The following TBC1D4 variants were observed in gnomAD, a reference collection of about 807,000 sequenced individuals.
The protein encoded by TBC1D4 is TBC1 domain family member 4, also known as TBC (Tre-2, BUB2, CDC16) domain-containing protein.
TBC1D4 carries 121 observed loss-of-function variants against 142.5 expected under a neutral mutation model. The observed-to-expected ratio is 0.85, with a 90% confidence interval of 0.73 to 0.99. The LOEUF (loss-of-function observed/expected upper bound fraction) is 0.99, where lower values mean the gene tolerates loss of function less well. Among genes scored for constraint, TBC1D4 ranks in the 50% least tolerant of loss-of-function variants. The pLI is 0.00. For missense variants in TBC1D4, 1,475 were observed against 1,606.6 expected, an observed-to-expected ratio of 0.92 and a Z score of 1.40; for synonymous variants, 630 against 628.2, an observed-to-expected ratio of 1.00 and a Z score of -0.04.
intron 3 of TBC1D4, among the ~76,000 whole-genome samples, chr13:75,358,072 G>A (rs889181372): frequency 2.6e-5 from 4 of 152,026 alleles, no homozygotes; most frequent in African/African-American, 9.7e-5. Context: ...AGTGTGGGGT[G>A]GGAGGCACAG....
intron 1 of TBC1D4, among the ~76,000 whole-genome samples, chr13:75,389,506 G>A (rs1435279592): frequency 6.6e-6 from 1 of 152,046 alleles, no homozygotes; most frequent in Non-Finnish European, 1.5e-5. Flanking sequence ...AGAATAGTTT[G>A]TAGAAAAGCT....
chr13:75,341,298 G>A (rs1011754413), intron 6 of TBC1D4, 63 bp from the exon 7 acceptor site: 35 of 1,492,536 alleles, frequency 2.3e-5, no homozygotes, highest in Non-Finnish European at 2.9e-5. Context: ...TTATTCTGTC[G>A]GGCAGACAAA....
intron 12 of TBC1D4, among the ~76,000 whole-genome samples, chr13:75,318,356 C>A (rs543424108): frequency 6.6e-6 from 1 of 152,328 alleles, no homozygotes; most frequent in East Asian, 1.9e-4. Context: ...AATGACACAG[C>A]AAGACTCTAT....
chr13:75,427,432 TG>T (rs1886423849), intron 1 of TBC1D4, among the ~76,000 whole-genome samples: 1 of 152,210 alleles, frequency 6.6e-6, no homozygotes, highest in African/African-American at 2.4e-5. Flanking sequence ...TCTCAGCCTG[TG>T]GGAGGTCAAA....
chr13:75,326,382 C>G lies in TBC1D4; in HGVS notation c.1848G>C (p.Ala616=). ...PGDSPPGTPP[A]SPPSSAWQTF... ...TTTGCCAAGCTGAGGACGGTGGGGA[C>G]GCTGGCGGTGTCCCTGGTGGAGAAT... Residue 616 remains alanine, a synonymous_variant, in exon 10 of 21, where the codon GCG becomes GCC. Transcript: ENST00000377636. The G allele has an allele frequency of 6.2e-7, 1 of 1,614,068 alleles. No homozygotes were observed. The highest frequency in any genetic ancestry group is 8.5e-7 in the Non-Finnish European group (1 of 1,180,006).
In TBC1D4 at chr13:75,478,124, A is replaced by G. The variant is rs555463979; in HGVS notation, c.498+3146T>C. ...CGATTAGTACAGCACTCCCAGCTCT[A>G]AGGTCAAATGTAGATCCAACTCCAA... On this transcript the variant is annotated intron_variant, in intron 1 of 20. Transcript: ENST00000377636. 1.2e-4 allele frequency among the ~76,000 whole-genome samples: 18 copies of G among 152,344 alleles called. 1 individual carries two copies. Among genetic ancestry groups the G allele is most frequent in the African/African-American group, 3.8e-4 (16 of 41,586 alleles).
intron 1 of TBC1D4, among the ~76,000 whole-genome samples, chr13:75,406,582 G>A (rs1885356262): frequency 6.6e-6 from 1 of 152,176 alleles, no homozygotes; most frequent in South Asian, 2.1e-4. Context: ...GAGAAGGATG[G>A]AGCACACATC....
At position 75,393,926 on chromosome 13, in the gene TBC1D4, T is replaced by TC. The variant is rs1265158986; in HGVS notation, c.499-31320dup. 1.3e-4 allele frequency among the ~76,000 whole-genome samples: 9 copies of TC among 67,450 alleles called. No individual in the cohort carries two copies. In the East Asian group the frequency reaches 2.9e-3, roughly 22 times the overall value. The allele number at this position is 67,450 out of a possible 152,430, so 44.2% of individuals were successfully genotyped here. On this transcript the variant is annotated intron_variant, in intron 1 of 20. Transcript: ENST00000377636. ...TGGGCAACAAGAGCAAAACTCTGTCTCAAAAAAAAAAAAACAAAAAAACAA... is the reference window on the plus strand; with the variant it reads ...TGGGCAACAAGAGCAAAACTCTGTCTCCAAAAAAAAAAAAACAAAAAAACAA...
intron 1 of TBC1D4, among the ~76,000 whole-genome samples, chr13:75,432,383 G>C (rs1369688869): frequency 6.6e-6 from 1 of 152,182 alleles, no homozygotes; most frequent in Non-Finnish European, 1.5e-5. Context: ...GTTTTCTGTA[G>C]CTCACTGTGG....
intron 1 of TBC1D4, among the ~76,000 whole-genome samples, chr13:75,426,537 T>C (rs1000327214): frequency 2.6e-5 from 4 of 152,310 alleles, no homozygotes; most frequent in Admixed American, 1.3e-4. Context: ...CACCTTGCAT[T>C]GAATTTATTC....
chr13:75,438,849 CTT>C (rs1279459366), intron 1 of TBC1D4, among the ~76,000 whole-genome samples: 2 of 152,020 alleles, frequency 1.3e-5, no homozygotes, highest in Non-Finnish European at 2.9e-5. Context: ...AAAAGTATGT[CTT>C]GTTTAAGGTA....
At chr13:75,447,450 C>A (rs903412201) in intron 1 of TBC1D4, among the ~76,000 whole-genome samples, 2 of 150,904 alleles carry the variant, frequency 1.3e-5, no homozygotes, top group Non-Finnish European at 1.5e-5. Flanking sequence ...CTGAAGGCTG[C>A]GATGCTGTAG....
At chr13:75,312,919 T>G (rs749510596) in intron 12 of TBC1D4, 21 bp from the exon 13 acceptor site, 1 of 1,613,766 alleles carries the variant, frequency 6.2e-7, no homozygotes, top group Non-Finnish European at 8.5e-7. Context: ...CAAATAAACA[T>G]ATCACTTATA....
At chr13:75,297,854 C>A (rs1298341165) in intron 17 of TBC1D4, among the ~76,000 whole-genome samples, 2 of 151,648 alleles carry the variant, frequency 1.3e-5, no homozygotes, top group African/African-American at 4.8e-5. Flanking sequence ...ACTTGTTAAA[C>A]CTACGAATAG....
chr13:75,310,360 C>G (rs189892427), intron 13 of TBC1D4, among the ~76,000 whole-genome samples: 1 of 152,180 alleles, frequency 6.6e-6, no homozygotes, highest in Non-Finnish European at 1.5e-5. Context: ...GAAACAGAAG[C>G]ATAGGTCATT....
rs1008864462 is a variant in TBC1D4, at chr13:75,283,894, G to A, written c.*2898C>T. Among the ~76,000 whole-genome samples, 1 of 151,906 alleles carries A rather than the reference G, an allele frequency of 6.6e-6. No individual in the cohort carries two copies. Among genetic ancestry groups the A allele is most frequent in the African/African-American group, 2.4e-5 (1 of 41,358 alleles). On this transcript the variant is annotated 3_prime_UTR_variant, in exon 21 of 21. Transcript: ENST00000377636. ...CAAACCATGCAGATCTTTTTTGTTT[G>A]GTTGTTTGTTTTTCTTTTTTTTTGT...
chr13:75,345,633 C>A lies in TBC1D4; in HGVS notation c.1408+3537G>T, dbSNP rs148977974. 2.0e-5 allele frequency among the ~76,000 whole-genome samples: 3 copies of A among 152,114 alleles called. No individual in the cohort carries two copies. The East Asian group carries it at 5.8e-4, about 29-fold the overall frequency. On this transcript the variant is annotated intron_variant, in intron 5 of 20. Transcript: ENST00000377636. ...ACTGGCCGGGCACAGTGGCTCACAACTGTAATCCTAGCACTTTGGGAGGCC... is the reference window on the plus strand; with the variant it reads ...ACTGGCCGGGCACAGTGGCTCACAAATGTAATCCTAGCACTTTGGGAGGCC...
chr13:75,480,364 A>G (rs1334468761), intron 1 of TBC1D4, among the ~76,000 whole-genome samples: 1 of 152,200 alleles, frequency 6.6e-6, no homozygotes, highest in Non-Finnish European at 1.5e-5. Context: ...GAAGCTTTTG[A>G]TATGGCGGGG....
In TBC1D4 at chr13:75,336,946, C is replaced by T. The variant is rs758864391; in HGVS notation, c.1706G>A (p.Ser569Asn). 2 of 1,613,536 alleles carry T rather than the reference C, an allele frequency of 1.2e-6. No individual in the cohort carries two copies. The highest frequency in any genetic ancestry group is 1.7e-6 in the Non-Finnish European group (2 of 1,179,792). ...CCTTGAGAAGATATTTTCCAGGGAG[C>T]TAGTTAAGGATCTCTTAGCTTTATT... ...LKNKAKRSLT[S>N]SLENIFSRGA... Residue 569 changes from serine to asparagine, a missense_variant, in exon 8 of 21, where the codon AGC (serine) becomes AAC (asparagine). Physicochemically the swap from Ser to Asn is conservative, Grantham distance 46 (BLOSUM62 1). Transcript: ENST00000377636.
Sources: allele counts gnomAD v4.1 joint callset (sites outside exome capture counted in the v4.1 genomes callset), GRCh38; gene constraint gnomAD v4.1.1; transcripts MANE v1.5; gene names NCBI Gene and HGNC (gene_info 2026-07-23, HGNC 2026-07-21).